EPM2A: variants seen among roughly 807,000 people sequenced by gnomAD.
The protein encoded by EPM2A is EPM2A glucan phosphatase, laforin.
A neutral mutation model predicts 26.5 loss-of-function variants in EPM2A; 21 were observed. That is an observed-to-expected ratio of 0.79 (90% CI 0.56 to 1.14). The LOEUF is 1.14. Among genes scored for constraint, EPM2A ranks in the 50% most tolerant of loss-of-function variants. The probability of loss-of-function intolerance (pLI) is 0.00; values close to 1 mark genes in which losing one functional copy is unlikely to be tolerated. For synonymous variants in EPM2A, 217 were observed against 177.6 expected (o/e 1.22, Z -1.76); for missense variants, 458 against 440.8 (o/e 1.04, Z -0.35).
intron 1 of EPM2A, among the ~76,000 whole-genome samples, chr6:145,702,290 T>C (rs1781958283): frequency 6.6e-6 from 1 of 152,216 alleles, no homozygotes; most frequent in African/African-American, 2.4e-5. Context: ...CCACCCTCTG[T>C]CGAAACTCTC....
At chr6:145,595,141 T>A (rs1330622957) in intron 2 of EPM2A, among the ~76,000 whole-genome samples, 1 of 151,992 alleles carries the variant, frequency 6.6e-6, no homozygotes, top group East Asian at 1.9e-4. Context: ...CTTGGAACTA[T>A]AATTTGTCTA....
intron 4 of EPM2A, among the ~76,000 whole-genome samples, chr6:145,395,078 C>G (rs1019935605): frequency 7.0e-6 from 1 of 142,818 alleles, no homozygotes; most frequent in African/African-American, 2.6e-5. Context: ...TTAACCCCTT[C>G]AGGGCTAAAC....
At chr6:145,562,088 A>G (rs1780813396) in intron 2 of EPM2A, among the ~76,000 whole-genome samples, 1 of 128,506 alleles carries the variant, frequency 7.8e-6, no homozygotes, top group Non-Finnish European at 1.8e-5. Flanking sequence ...TTTGAAGAAA[A>G]AAATGCAAAA....
chr6:145,557,024 A>G (rs1378151288), intron 2 of EPM2A, among the ~76,000 whole-genome samples: 1 of 152,112 alleles, frequency 6.6e-6, no homozygotes, highest in Non-Finnish European at 1.5e-5. Flanking sequence ...TGATGCATTC[A>G]TGGCAAAACA....
chr6:145,731,227 C>T (rs1348948403), intron 1 of EPM2A, among the ~76,000 whole-genome samples: 1 of 152,218 alleles, frequency 6.6e-6, no homozygotes, highest in African/African-American at 2.4e-5. Context: ...TTAACAAAAT[C>T]TGCCAAATTA....
intron 2 of EPM2A, among the ~76,000 whole-genome samples, chr6:145,565,504 T>C (rs894407486): frequency 4.0e-5 from 6 of 151,800 alleles, no homozygotes; most frequent in African/African-American, 1.5e-4. Flanking sequence ...TCTTAAAACA[T>C]GTACTTGCTT....
intron 4 of EPM2A, among the ~76,000 whole-genome samples, chr6:145,384,619 T>G (rs1213606745): frequency 6.8e-6 from 1 of 147,024 alleles, no homozygotes; most frequent in Non-Finnish European, 1.5e-5. Flanking sequence ...GGAAAGCAAC[T>G]CTCTTTAGGG....
chr6:145,675,767 C>T (rs1176340551), intron 2 of EPM2A, among the ~76,000 whole-genome samples: 1 of 152,154 alleles, frequency 6.6e-6, no homozygotes, highest in African/African-American at 2.4e-5. Context: ...TACAGGAGCA[C>T]CCAGATTCAT....
intron 2 of EPM2A, among the ~76,000 whole-genome samples, chr6:145,506,875 G>GT (rs1284832494): frequency 2.0e-5 from 3 of 152,176 alleles, no homozygotes; most frequent in Non-Finnish European, 4.4e-5. Flanking sequence ...GTTAAACAAG[G>GT]TAAGAGAGAA....
intron 2 of EPM2A, among the ~76,000 whole-genome samples, chr6:145,558,593 G>T (rs951377723): frequency 1.3e-5 from 2 of 151,956 alleles, no homozygotes; most frequent in Non-Finnish European, 2.9e-5. Flanking sequence ...GAGGTATATA[G>T]TAATATCTTA....
At chr6:145,569,849 A>C (rs1427158889) in intron 2 of EPM2A, among the ~76,000 whole-genome samples, 1 of 120,748 alleles carries the variant, frequency 8.3e-6, no homozygotes, top group Non-Finnish European at 1.8e-5. Context: ...AACTAATGGA[A>C]TATACATATA....
intron 2 of EPM2A, among the ~76,000 whole-genome samples, chr6:145,642,422 G>A (rs1777153009): frequency 6.6e-6 from 1 of 152,054 alleles, no homozygotes; most frequent in African/African-American, 2.4e-5. Flanking sequence ...AAGAATCTGT[G>A]GATTCAACAA....
Position 145,462,603 on chromosome 6 carries a change from G to A in EPM2A, c.555+39919C>T, listed in dbSNP as rs191976165. Among the ~76,000 whole-genome samples, 5 of 152,248 alleles carry A rather than the reference G, an allele frequency of 3.3e-5. No individual in the cohort carries two copies. The East Asian group carries it at 5.8e-4, about 18-fold the overall frequency. On this transcript the variant is annotated intron_variant, in intron 4 of 4. Coordinates refer to the EPM2A transcript ENST00000638717. ...ATAGTTTGGTATTCAACTCAGCTAT[G>A]ACTCCCACAGATGTCAGTTGGAATT... is the stretch of plus-strand genomic sequence containing the variant.
intron 2 of EPM2A, among the ~76,000 whole-genome samples, chr6:145,650,416 G>C (rs1777800371): frequency 6.6e-6 from 1 of 152,000 alleles, no homozygotes; most frequent in African/African-American, 2.4e-5. Flanking sequence ...GCTGGGTGTG[G>C]TGGCACATGC....
At chr6:145,735,621 A>G (rs946224464), upstream of EPM2A, 1 of 1,081,382 alleles carries the variant, frequency 9.2e-7, no homozygotes. Flanking sequence ...CGGGGAGAAC[A>G]CGTGCTGTTC....
intron 2 of EPM2A, among the ~76,000 whole-genome samples, chr6:145,680,744 G>T (rs1234434967): frequency 1.3e-5 from 2 of 152,162 alleles, no homozygotes; most frequent in Non-Finnish European, 2.9e-5. Flanking sequence ...TGGCTGCATA[G>T]TATTCCATGG....
chr6:145,559,691 T>TA (rs1562382213), intron 2 of EPM2A, among the ~76,000 whole-genome samples: 61 of 115,814 alleles, frequency 5.3e-4, no homozygotes, highest in African/African-American at 1.8e-3. Context: ...TTTTTTTTTT[T>TA]TAAAATGGTG....
chr6:145,716,952 A>G (rs1176491952), intron 1 of EPM2A, among the ~76,000 whole-genome samples: 1 of 152,164 alleles, frequency 6.6e-6, no homozygotes, highest in East Asian at 1.9e-4. Context: ...TTCATTAAAT[A>G]CCAAGTTCAA....
chr6:145,645,910 T>G (rs577063943), intron 2 of EPM2A, among the ~76,000 whole-genome samples: 8 of 152,258 alleles, frequency 5.3e-5, no homozygotes, highest in African/African-American at 1.9e-4. Flanking sequence ...GCAAAACTTT[T>G]AAGGACATTT....
Sources: gnomAD v4.1 joint callset for allele counts (sites outside exome capture counted in the v4.1 genomes callset) on GRCh38, gnomAD v4.1.1 for gene constraint, MANE v1.5 for transcripts, NCBI Gene and HGNC (gene_info 2026-07-23, HGNC 2026-07-21) for gene names.